LRRC36: variants seen among roughly 807,000 people sequenced by gnomAD.
The protein encoded by LRRC36 is leucine rich repeat containing 36, also known as leucine-rich repeat-containing protein 36.
Under a neutral mutation model 81.1 loss-of-function variants are expected in LRRC36, and 62 were observed. The observed-to-expected ratio is 0.76, with a 90% confidence interval of 0.62 to 0.94. The LOEUF (loss-of-function observed/expected upper bound fraction) is 0.94. Among genes scored for constraint, LRRC36 ranks in the 40% least tolerant of loss-of-function variants. LRRC36 has a pLI of 0.00. For missense variants in LRRC36, 761 were observed against 881.7 expected (o/e 0.86, Z 1.73); for synonymous variants, 334 against 348.6 (o/e 0.96, Z 0.47).
chr16:67,370,882 A>C, intron 8 of LRRC36, 62 bp from the exon 9 acceptor site: 1 of 1,417,342 alleles, frequency 7.1e-7, no homozygotes, highest in African/African-American at 1.4e-5. Flanking sequence ...CAAGGTATGG[A>C]TAGAAGTGAG....
At chr16:67,379,071 T>C (rs1002824870) in intron 12 of LRRC36, among the ~76,000 whole-genome samples, 2 of 152,204 alleles carry the variant, frequency 1.3e-5, no homozygotes, top group Non-Finnish European at 2.9e-5. Context: ...ATAACTTCCA[T>C]TAGTGTTTTT....
chr16:67,352,534 T>C (rs1316040833), intron 5 of LRRC36, among the ~76,000 whole-genome samples: 2 of 152,070 alleles, frequency 1.3e-5, no homozygotes, highest in South Asian at 2.1e-4. Flanking sequence ...TCTTCCCATA[T>C]CCCCGAAATA....
chr16:67,384,773 C>A, intron 13 of LRRC36, 97 bp from the exon 14 acceptor site: 1 of 799,052 alleles, frequency 1.3e-6, no homozygotes, highest in Non-Finnish European at 2.1e-6. Flanking sequence ...AAAGATGTGA[C>A]TTCATTTCAC....
intron 5 of LRRC36, among the ~76,000 whole-genome samples, chr16:67,361,724 G>A (rs886611833): frequency 2.0e-5 from 3 of 151,630 alleles, no homozygotes; most frequent in East Asian, 2.0e-4. Flanking sequence ...AGGCGCCCAC[G>A]CCTGGCTGAT....
At position 67,326,876 on chromosome 16, in the gene LRRC36, G is replaced by C; in HGVS notation, c.14G>C (p.Trp5Ser). The C allele has an allele frequency of 6.9e-7, 1 of 1,449,636 alleles. No homozygotes were observed. The highest frequency in any genetic ancestry group is 3.5e-5 in the Admixed American group (1 of 28,598). The allele number at this position is 1,449,636 out of a possible 1,614,324, so 89.8% of individuals were successfully genotyped here. A position where few individuals can be genotyped will look rare whatever the true frequency, so the allele number is the denominator to read the frequency against. Residue 5 changes from tryptophan to serine, a missense_variant, in exon 1 of 14, where the codon TGG becomes TCG. Physicochemically the swap from Trp to Ser is radical, Grantham distance 177. This residue lies in a region of LRRC36 where 263 missense variants were observed against 279.3 expected (regional missense o/e 0.94). Coordinates refer to ENST00000329956, the MANE Select transcript of LRRC36 (RefSeq NM_018296.6). ...CGGCGGGCGGGGATGGCGGAGCAAT[G>C]GGAGCTGGACGAGGAAGGCATTCGC... MAEQ[W>S]ELDEEGIRRL...
chr16:67,370,301 G>A (rs893168652), intron 8 of LRRC36, among the ~76,000 whole-genome samples: 8 of 152,072 alleles, frequency 5.3e-5, no homozygotes, highest in Non-Finnish European at 7.4e-5. Flanking sequence ...GAAGAGAGAT[G>A]TGAAATATTT....
At position 67,356,075 on chromosome 16, in the gene LRRC36, C is replaced by T. The variant is rs528368176; in HGVS notation, c.577+5785C>T. 7.8e-4 allele frequency among the ~76,000 whole-genome samples: 119 copies of T among 152,304 alleles called. 1 individual carries two copies. Among genetic ancestry groups the T allele is most frequent in the Non-Finnish European group, 1.2e-3 (82 of 68,026 alleles). ...TGAATGTCTTACTAAGAACAATTTA[C>T]GTTTATCCTGTAGGTACTAGTTGAA... On this transcript the variant is annotated intron_variant, in intron 5 of 13. Coordinates refer to ENST00000329956, the MANE Select transcript of LRRC36 (RefSeq NM_018296.6).
At chr16:67,360,822 T>A (rs908312824) in intron 5 of LRRC36, among the ~76,000 whole-genome samples, 2 of 152,206 alleles carry the variant, frequency 1.3e-5, no homozygotes, top group African/African-American at 4.8e-5. Flanking sequence ...AACCAGTAGA[T>A]GAAAGTGAGC....
chr16:67,379,099 C>CTT (rs2040018693), intron 12 of LRRC36, among the ~76,000 whole-genome samples: 1 of 152,144 alleles, frequency 6.6e-6, no homozygotes, highest in African/African-American at 2.4e-5. Flanking sequence ...TTTCTTCTAC[C>CTT]ATACCTCTCT....
chr16:67,377,661 G>T (rs1012143010), intron 11 of LRRC36, among the ~76,000 whole-genome samples: 3 of 148,010 alleles, frequency 2.0e-5, no homozygotes, highest in East Asian at 2.0e-4. Context: ...TTGAGATGGG[G>T]TCTTGTTCTG....
At chr16:67,331,972 G>C (rs2037514916) in intron 1 of LRRC36, among the ~76,000 whole-genome samples, 1 of 150,688 alleles carries the variant, frequency 6.6e-6, no homozygotes, top group Non-Finnish European at 1.5e-5. Context: ...TGGGCAAAGA[G>C]AGCGAAACTC....
At chr16:67,375,170 T>TA (rs2039834286) in intron 9 of LRRC36, 77 bp from the exon 10 acceptor site, 1 of 1,491,708 alleles carries the variant, frequency 6.7e-7, no homozygotes, top group Non-Finnish European at 9.1e-7. Flanking sequence ...TCTAAATTCT[T>TA]ACTTCCTTTA....
chr16:67,351,519 C>T (rs534822592), intron 5 of LRRC36, among the ~76,000 whole-genome samples: 3 of 152,078 alleles, frequency 2.0e-5, no homozygotes, highest in Non-Finnish European at 2.9e-5. Context: ...CCTGCCTGGC[C>T]AACATGGCAA....
At chr16:67,341,874 G>C (rs746129041) in intron 1 of LRRC36, 83 bp from the exon 2 acceptor site, 58 of 1,126,248 alleles carry the variant, frequency 5.1e-5, no homozygotes, top group Middle Eastern at 2.1e-4. Flanking sequence ...TTGAGATATG[G>C]GAGGAAGAAA....
At chr16:67,337,565 G>C (rs1055720927) in intron 1 of LRRC36, among the ~76,000 whole-genome samples, 1 of 150,426 alleles carries the variant, frequency 6.6e-6, no homozygotes, top group African/African-American at 2.4e-5. Context: ...TTGCCATGTT[G>C]GTCAGTCTGG....
intron 2 of LRRC36, among the ~76,000 whole-genome samples, chr16:67,342,583 G>T (rs754611157): frequency 2.0e-5 from 3 of 152,146 alleles, no homozygotes; most frequent in Non-Finnish European, 2.9e-5. Flanking sequence ...GGGGATGATG[G>T]AGCAGAGGGC....
At chr16:67,369,006 G>A (rs2039523016) in intron 8 of LRRC36, among the ~76,000 whole-genome samples, 1 of 152,128 alleles carries the variant, frequency 6.6e-6, no homozygotes, top group Non-Finnish European at 1.5e-5. Flanking sequence ...ATCAAGAGTT[G>A]GGTTTTGGAC....
At chr16:67,377,022 A>C (rs1022406589) in intron 11 of LRRC36, 150 bp downstream of exon 11, 37 of 786,224 alleles carry the variant, frequency 4.7e-5, no homozygotes, top group Non-Finnish European at 6.0e-5. Context: ...GGACAGGGAC[A>C]ACTTGGAAGT....
chr16:67,376,954 G>A (rs2039924504), intron 11 of LRRC36, 82 bp downstream of exon 11: 1 of 1,425,434 alleles, frequency 7.0e-7, no homozygotes. Flanking sequence ...GCATCACCGT[G>A]AACACCTAAC....
Sources: allele counts gnomAD v4.1 joint callset (sites outside exome capture counted in the v4.1 genomes callset), GRCh38; gene constraint gnomAD v4.1.1; regional missense constraint gnomAD v4.1.1; transcripts MANE v1.5; gene names NCBI Gene and HGNC (gene_info 2026-07-23, HGNC 2026-07-21).